Variants in ABL2 observed in about 807,000 individuals in gnomAD.
ABL2 encodes tyrosine-protein kinase ABL2.
In ABL2, 49 loss-of-function variants were observed where a neutral mutation model predicts 107.7. That is an observed-to-expected ratio of 0.45 (90% CI 0.36 to 0.58). The LOEUF is 0.58. Among genes scored for constraint, ABL2 ranks in the 20% least tolerant of loss-of-function variants. ABL2 has a pLI of 0.00. For missense variants in ABL2, 1,245 were observed against 1,457.0 expected, an observed-to-expected ratio of 0.85 and a Z score of 2.37; for synonymous variants, 549 against 548.6, an observed-to-expected ratio of 1.00 and a Z score of -0.01.
At chr1:179,120,322 C>G (rs1367295682) in intron 5 of ABL2, 48 bp from the exon 6 acceptor site, 1 of 1,223,110 alleles carries the variant, frequency 8.2e-7, no homozygotes, top group Non-Finnish European at 1.2e-6. Context: ...GGGACAAACC[C>G]TCAACTTAAA....
At chr1:179,115,258 T>C (rs1165203597) in intron 8 of ABL2, among the ~76,000 whole-genome samples, 2 of 152,200 alleles carry the variant, frequency 1.3e-5, no homozygotes, top group Non-Finnish European at 2.9e-5. Flanking sequence ...AATTTCCCAA[T>C]TTTTATTTAG....
At chr1:179,226,618 G>A (rs570413793) in intron 1 of ABL2, among the ~76,000 whole-genome samples, 9 of 152,148 alleles carry the variant, frequency 5.9e-5, no homozygotes, top group African/African-American at 1.9e-4. Context: ...AATTACTCCT[G>A]TTTTTAATAA....
rs1047995875 is a variant in ABL2 at position 179,135,892 on chromosome 1, G to A, written c.158-2518C>T. On this transcript the variant is annotated intron_variant, in intron 1 of 11. Coordinates refer to ENST00000502732, the MANE Select transcript of ABL2 (RefSeq NM_007314.4). ...AGGAGGTGAGGGGGCGCCTCTGCCC[G>A]GCCGCCCCTACTGGGAAGTGAGGAG... Among the ~76,000 whole-genome samples the A allele has an allele frequency of 5.5e-5, 8 of 145,392 alleles. No homozygotes were observed. The East Asian group carries it at 1.1e-3, about 20-fold the overall frequency.
intron 1 of ABL2, chr1:179,221,917 C>A: frequency 4.3e-6 from 1 of 234,194 alleles, no homozygotes; most frequent in South Asian, 7.8e-5. Flanking sequence ...AATGATGGGT[C>A]ACGTAAAACC....
intron 3 of ABL2, 95 bp downstream of exon 3, chr1:179,131,216 T>C: frequency 2.9e-6 from 4 of 1,370,352 alleles, no homozygotes; most frequent in Non-Finnish European, 4.0e-6. Context: ...AGTGCTGAGA[T>C]TATAGGTGTG....
intron 1 of ABL2, among the ~76,000 whole-genome samples, chr1:179,224,330 G>A (rs1274201503): frequency 1.3e-5 from 2 of 151,916 alleles, no homozygotes; most frequent in African/African-American, 4.8e-5. Context: ...GCAGGTGCGC[G>A]ATCTCGGCTC....
intron 1 of ABL2, among the ~76,000 whole-genome samples, chr1:179,219,295 C>T (rs1571342033): frequency 6.6e-6 from 1 of 152,092 alleles, no homozygotes; most frequent in Admixed American, 6.6e-5. Flanking sequence ...CCACCTGCTT[C>T]GGCCTCCCAA....
chr1:179,120,409 A>G lies in ABL2; in HGVS notation c.961-135T>C, dbSNP rs867173125. 1.0e-4 allele frequency: 45 copies of G among 436,942 alleles called. 1 individual carries two copies. Among genetic ancestry groups the G allele is most frequent in the African/African-American group, 6.8e-4 (33 of 48,726 alleles). 27.1% of individuals were successfully genotyped at this position (436,942 alleles called of 1,614,324 possible). On this transcript the variant is annotated intron_variant, in intron 5 of 11. Transcript: ENST00000502732. ...TATCTTTTGAATATTTTAGCATATTACAAGATATAATTATTATTTTAATTT... is the reference window on the plus strand; with the variant it reads ...TATCTTTTGAATATTTTAGCATATTGCAAGATATAATTATTATTTTAATTT...
chr1:179,172,631 G>C (rs1659786470), intron 1 of ABL2, among the ~76,000 whole-genome samples: 1 of 152,134 alleles, frequency 6.6e-6, no homozygotes, highest in African/African-American at 2.4e-5. Flanking sequence ...ATCTTCATAG[G>C]ATACAGAGTT....
At chr1:179,229,106 G>A in intron 1 of ABL2, 135 bp downstream of exon 1, 1 of 1,145,788 alleles carries the variant, frequency 8.7e-7, no homozygotes, top group Non-Finnish European at 1.2e-6. Context: ...TGGACCAGAT[G>A]GCAGCGGATT....
chr1:179,147,132 C>T (rs1658038809), intron 1 of ABL2, among the ~76,000 whole-genome samples: 1 of 95,742 alleles, frequency 1.0e-5, no homozygotes, highest in Admixed American at 1.5e-4. Flanking sequence ...ACATAGGTGG[C>T]TAACAAACAT....
chr1:179,189,702 G>A (rs925296349), intron 1 of ABL2, among the ~76,000 whole-genome samples: 11 of 152,128 alleles, frequency 7.2e-5, no homozygotes, highest in Non-Finnish European at 1.2e-4. Flanking sequence ...TCTAACACCA[G>A]ATGTGTGGGG....
At chr1:179,132,093 T>C (rs559174893) in intron 2 of ABL2, among the ~76,000 whole-genome samples, 20 of 152,276 alleles carry the variant, frequency 1.3e-4, no homozygotes, top group Non-Finnish European at 2.1e-4. Flanking sequence ...ATAATCTTTT[T>C]TTCGTTTTAA....
At chr1:179,125,943 G>A (rs954820109) in intron 4 of ABL2, among the ~76,000 whole-genome samples, 1 of 152,142 alleles carries the variant, frequency 6.6e-6, no homozygotes, top group African/African-American at 2.4e-5. Context: ...TGAATGATCC[G>A]TTTCAGTTAA....
Position 179,229,337 on chromosome 1 carries a change from C to A in ABL2, c.61G>T (p.Gly21Trp). 6.3e-7 allele frequency: 1 copy of A among 1,584,844 alleles called. No homozygotes were observed. The highest frequency in any genetic ancestry group is 8.6e-7 in the Non-Finnish European group (1 of 1,168,620). Residue 21 changes from glycine (G) to tryptophan (W), a missense_variant, in exon 1 of 12, where the codon GGG (glycine) becomes TGG (tryptophan). Around this residue, in one of 3 missense-constraint regions of ABL2, gnomAD observed 164 missense variants for 143.7 expected, o/e 1.14. Coordinates refer to ENST00000502732, the MANE Select transcript of ABL2 (RefSeq NM_007314.4). ...APGLQQPQPR[G>W]IRGSSAARPS... is the part of the protein sequence containing the mutation. ...CTGGCTGCACTGCTGCCCCGGATCC[C>A]GCGGGGCTGAGGCTGCTGGAGCCCC...
At chr1:179,224,152 A>C (rs1274146949) in intron 1 of ABL2, among the ~76,000 whole-genome samples, 4 of 150,308 alleles carry the variant, frequency 2.7e-5, no homozygotes, top group African/African-American at 9.7e-5. Flanking sequence ...AAAAAAAAAA[A>C]AAAAAACTAC....
chr1:179,201,806 C>A, intron 1 of ABL2: 4 of 1,029,430 alleles, frequency 3.9e-6, no homozygotes, highest in Non-Finnish European at 5.6e-6. Context: ...GACAGTTTGG[C>A]CATAAAGGTG....
intron 1 of ABL2, among the ~76,000 whole-genome samples, chr1:179,225,312 G>A (rs558648856): frequency 7.0e-4 from 106 of 151,982 alleles, no homozygotes; most frequent in Admixed American, 1.8e-3. Context: ...GTATTATTTG[G>A]CTTATATTAA....
At chr1:179,213,428 CT>C (rs976746263) in intron 1 of ABL2, among the ~76,000 whole-genome samples, 51 of 152,060 alleles carry the variant, frequency 3.4e-4, no homozygotes, top group African/African-American at 1.2e-3. Context: ...CTCTGCCTCC[CT>C]GAGAGATGGG....
Sources: gnomAD v4.1 joint callset for allele counts (sites outside exome capture counted in the v4.1 genomes callset) on GRCh38, gnomAD v4.1.1 for gene constraint, gnomAD v4.1.1 regional missense constraint, MANE v1.5 for transcripts, NCBI Gene and HGNC (gene_info 2026-07-23, HGNC 2026-07-21) for gene names.